Variants in BANP observed in about 807,000 individuals in gnomAD.
BANP encodes protein BANP.
Under a neutral mutation model 68.1 loss-of-function variants are expected in BANP, and 11 were observed. The observed-to-expected ratio is 0.16, with a 90% CI of 0.10 to 0.27. The LOEUF is 0.27. Among genes scored for constraint, BANP ranks in the 10% least tolerant of loss-of-function variants. BANP has a pLI of 1.00. For synonymous variants in BANP, 329 were observed against 303.2 expected (o/e 1.09, Z -0.88); for missense variants, 504 against 722.7 (o/e 0.70, Z 3.47).
intron 11 of BANP, among the ~76,000 whole-genome samples, chr16:88,047,299 G>A (rs1005426605): frequency 1.3e-5 from 2 of 152,172 alleles, no homozygotes; most frequent in African/African-American, 4.8e-5. Context: ...GGCCAAGAAT[G>A]CTTGCCCCAG....
chr16:88,068,122 G>T (rs1418831896), intron 12 of BANP, among the ~76,000 whole-genome samples: 1 of 152,258 alleles, frequency 6.6e-6, no homozygotes, highest in African/African-American at 2.4e-5. Context: ...CGACAGAGGT[G>T]CCCGAGGTGG....
intron 3 of BANP, chr16:87,982,591 A>C (rs1193938121): frequency 6.6e-6 from 1 of 152,204 alleles, no homozygotes; most frequent in Non-Finnish European, 1.5e-5. Flanking sequence ...CGTGGGCTTG[A>C]GTCCACCTGA....
intron 1 of BANP, among the ~76,000 whole-genome samples, chr16:87,971,426 T>G (rs2061103471): frequency 6.6e-6 from 1 of 152,192 alleles, no homozygotes; most frequent in South Asian, 2.1e-4. Context: ...CCTTTATACT[T>G]GAAAGTAATT....
At chr16:88,070,029 A>G (rs1420071112) in intron 12 of BANP, among the ~76,000 whole-genome samples, 1 of 151,902 alleles carries the variant, frequency 6.6e-6, no homozygotes, top group African/African-American at 2.4e-5. Context: ...CTTCCGCTTA[A>G]TAAAGATCCA....
At chr16:87,950,764 C>G (rs923221224), upstream of BANP, 1 of 152,268 alleles carries the variant, frequency 6.6e-6, no homozygotes. Flanking sequence ...TATGTGTTAC[C>G]TATAGGACTT....
At chr16:88,020,821 C>T (rs2075883380) in intron 7 of BANP, among the ~76,000 whole-genome samples, 1 of 152,174 alleles carries the variant, frequency 6.6e-6, no homozygotes, top group Non-Finnish European at 1.5e-5. Flanking sequence ...AGGATTCGGG[C>T]TTTCAGGGCA....
intron 8 of BANP, among the ~76,000 whole-genome samples, chr16:88,029,041 T>A (rs930410726): frequency 6.6e-6 from 1 of 152,194 alleles, no homozygotes; most frequent in Non-Finnish European, 1.5e-5. Context: ...GCGTGGTGGC[T>A]CATGCCTGTA....
chr16:88,043,001 A>G (rs1429363594), intron 11 of BANP, among the ~76,000 whole-genome samples: 1 of 152,236 alleles, frequency 6.6e-6, no homozygotes, highest in Non-Finnish European at 1.5e-5. Flanking sequence ...GGCTGGTTTC[A>G]AAGGTTGTGT....
intron 1 of BANP, chr16:87,952,331 G>C (rs2057106025): frequency 6.6e-6 from 1 of 152,274 alleles, no homozygotes; most frequent in African/African-American, 2.4e-5. Context: ...GTGAGCAAGT[G>C]GAGCGAGTGT....
rs2085264402 is a variant in BANP at position 88,057,135 on chromosome 16, G to A, written c.1312-8132G>A. On this transcript the variant is annotated intron_variant, in intron 11 of 13. Coordinates refer to ENST00000682872, the MANE Select transcript of BANP (RefSeq NM_001386991.1). This position sits in a 1 kb window ranked among gnomAD's most constrained non-coding sequence, Gnocchi z 4.6. The stretch of plus-strand genomic sequence containing the variant: ...GTTCTGAGACTTTTCTGTTGCCGTT[G>A]TTGAGCTGTGTCTGCCTTTTCTGGT... Among the ~76,000 whole-genome samples the A allele has an allele frequency of 6.6e-6, 1 of 152,188 alleles. No individual in the cohort carries two copies. Among genetic ancestry groups the A allele is most frequent in the Admixed American group, 6.5e-5 (1 of 15,288 alleles).
At chr16:88,013,239 C>A (rs1218067947) in intron 6 of BANP, among the ~76,000 whole-genome samples, 1 of 152,244 alleles carries the variant, frequency 6.6e-6, no homozygotes, top group South Asian at 2.1e-4. Context: ...GCGCCTCTCC[C>A]GTGAGATGGA....
intron 4 of BANP, among the ~76,000 whole-genome samples, chr16:87,998,634 ACCTGTCCTT>A: frequency 8.0e-6 from 1 of 124,492 alleles, no homozygotes; most frequent in East Asian, 2.6e-4. Flanking sequence ...GGCTGTACTT[ACCTGTCCTT>A]CCAGACACCC....
Position 88,039,364 on chromosome 16 carries a change from G to A in BANP, c.1311+1353G>A, listed in dbSNP as rs146191900. 1.2e-3 allele frequency among the ~76,000 whole-genome samples: 170 copies of A among 138,846 alleles called. 14 individuals are homozygous for A. In the East Asian group the frequency reaches 0.033, roughly 27 times the overall value. 91.1% of individuals were successfully genotyped at this position (138,846 alleles called of 152,430 possible). A position where few individuals can be genotyped will look rare whatever the true frequency, so the allele number is the denominator to read the frequency against. ...GGTCAGTTCTCCGCGCCTTTGTCCCGTGGTTCTCACGGTCACGGGGGCAGC... is the reference window on the plus strand; with the variant it reads ...GGTCAGTTCTCCGCGCCTTTGTCCCATGGTTCTCACGGTCACGGGGGCAGC... On this transcript the variant is annotated intron_variant, in intron 11 of 13. Transcript: ENST00000682872.
chr16:87,977,171 T>G (rs1268750156), intron 2 of BANP, among the ~76,000 whole-genome samples: 1 of 152,180 alleles, frequency 6.6e-6, no homozygotes, highest in Admixed American at 6.5e-5. Context: ...TCCCAGCACC[T>G]TGGGAGGCTG....
intron 6 of BANP, among the ~76,000 whole-genome samples, chr16:88,009,678 A>G (rs780039030): frequency 5.3e-5 from 8 of 152,270 alleles, no homozygotes; most frequent in African/African-American, 1.9e-4. Flanking sequence ...AAAGCATGGA[A>G]CAGTAGACTG....
intron 12 of BANP, among the ~76,000 whole-genome samples, chr16:88,069,649 G>C (rs946704951): frequency 2.0e-5 from 3 of 152,210 alleles, no homozygotes; most frequent in Non-Finnish European, 4.4e-5. Flanking sequence ...CCAGGTCTCA[G>C]TTCCTCATCT....
intron 1 of BANP, among the ~76,000 whole-genome samples, chr16:87,967,009 A>G (rs2060139425): frequency 6.6e-6 from 1 of 152,130 alleles, no homozygotes; most frequent in Non-Finnish European, 1.5e-5. Flanking sequence ...CGGGAGGAGG[A>G]GCACGGAAGA....
rs376388046 is a variant in BANP at position 88,036,735 on chromosome 16, A to AGATG, written c.1273-1227_1273-1224dup. 1.1e-4 allele frequency among the ~76,000 whole-genome samples: 16 copies of AGATG among 152,300 alleles called. No homozygotes were observed. The highest frequency in any genetic ancestry group is 3.6e-4 in the African/African-American group (15 of 41,558). ...GACCAGGTCACTAAGAAACGTGGTC[A>AGATG]GATGGATGGATGGAAGGAAGCAGCA... On this transcript the variant is annotated intron_variant, in intron 10 of 13. Transcript: ENST00000682872. The surrounding 1 kb of genome is among the most constrained non-coding windows in gnomAD (Gnocchi z 4.2).
chr16:87,960,750 G>C (rs1462723835), intron 1 of BANP, among the ~76,000 whole-genome samples: 1 of 152,228 alleles, frequency 6.6e-6, no homozygotes, highest in Non-Finnish European at 1.5e-5. Context: ...GGGATTATTT[G>C]AGTTGTAGTT....
Sources: allele counts gnomAD v4.1 joint callset (sites outside exome capture counted in the v4.1 genomes callset), GRCh38; gene constraint gnomAD v4.1.1; non-coding constraint Gnocchi (gnomAD v3.1); transcripts MANE v1.5; gene names NCBI Gene and HGNC (gene_info 2026-07-23, HGNC 2026-07-21).